The following DCUN1D5 variants were observed in gnomAD, a reference collection of about 807,000 sequenced individuals.
DCUN1D5 encodes the protein DCN1-like protein 5.
A neutral mutation model predicts 38.3 loss-of-function variants in DCUN1D5; 10 were observed. The observed-to-expected ratio is 0.26, with a 90% CI of 0.16 to 0.44. DCUN1D5 has a LOEUF of 0.44. Among genes scored for constraint, DCUN1D5 ranks in the 20% least tolerant of loss-of-function variants. The pLI is 1.00. For missense variants in DCUN1D5, 148 were observed against 275.3 expected (o/e 0.54, Z 3.27); for synonymous variants, 93 against 90.9 (o/e 1.02, Z -0.13).
chr11:103,064,492 TA>T lies in DCUN1D5; in HGVS notation c.556-116del, dbSNP rs778923968. 5 of 720,642 alleles carry T rather than the reference TA, an allele frequency of 6.9e-6. No homozygotes were observed. Among genetic ancestry groups the T allele is most frequent in the African/African-American group, 1.8e-5 (1 of 54,952 alleles). 44.6% of individuals were successfully genotyped at this position (720,642 alleles called of 1,614,324 possible). ...ATTTGGTTTTTTCTAAAACATTTAC[TA>T]TTTTTTTAATTATTTGTGTTTCTAA... On this transcript the variant is annotated intron_variant, in intron 6 of 7. Coordinates refer to ENST00000260247, the MANE Select transcript of DCUN1D5 (RefSeq NM_032299.4). This position sits in a 1 kb window ranked among gnomAD's most constrained non-coding sequence, Gnocchi z 4.5.
chr11:103,072,299 T>C (rs1004358510), intron 4 of DCUN1D5, among the ~76,000 whole-genome samples: 2 of 145,330 alleles, frequency 1.4e-5, no homozygotes, highest in East Asian at 2.0e-4. Flanking sequence ...AGTTCAACCA[T>C]TGTGGAAGAC....
At position 103,086,828 on chromosome 11, in the gene DCUN1D5, AAT is replaced by A. The variant is rs1374598120; in HGVS notation, c.178+2397_178+2398del. Among the ~76,000 whole-genome samples the A allele has an allele frequency of 8.6e-5, 13 of 151,982 alleles. No homozygotes were observed. Among genetic ancestry groups the A allele is most frequent in the Non-Finnish European group, 1.6e-4 (11 of 67,976 alleles). The stretch of plus-strand genomic sequence containing the variant: ...AAAGTGAAAATTAGCTTAAATAAAA[AAT>A]AAACATAAAATAATATCTATTATAA... On this transcript the variant is annotated intron_variant, in intron 2 of 7. Coordinates refer to ENST00000260247, the MANE Select transcript of DCUN1D5 (RefSeq NM_032299.4). The surrounding 1 kb of genome is among the most constrained non-coding windows in gnomAD (Gnocchi z 4.1).
In DCUN1D5 at chr11:103,052,291, C is replaced by T. The variant is rs1861761760; in HGVS notation, c.*10068G>A. The T allele has an allele frequency of 6.6e-6, 1 of 152,162 alleles. No homozygotes were observed. The highest frequency in any genetic ancestry group is 1.5e-5 in the Non-Finnish European group (1 of 68,022). 9.4% of individuals were successfully genotyped at this position (152,162 alleles called of 1,614,324 possible). On this transcript the variant is annotated 3_prime_UTR_variant, in exon 8 of 8. Coordinates refer to ENST00000260247, the MANE Select transcript of DCUN1D5 (RefSeq NM_032299.4). ...AGACATATGTGTACAATTGGTCATTCATTCATTAATTCAGTAAGCAAACTC... is the reference window on the plus strand; with the variant it reads ...AGACATATGTGTACAATTGGTCATTTATTCATTAATTCAGTAAGCAAACTC...
chr11:103,077,322 A>T lies in DCUN1D5; in HGVS notation c.341+5426T>A, dbSNP rs764893700. Among the ~76,000 whole-genome samples, 5 of 152,224 alleles carry T rather than the reference A, an allele frequency of 3.3e-5. No individual in the cohort carries two copies. Among genetic ancestry groups the T allele is most frequent in the Non-Finnish European group, 7.3e-5 (5 of 68,038 alleles). On this transcript the variant is annotated intron_variant, in intron 4 of 7. Coordinates refer to ENST00000260247, the MANE Select transcript of DCUN1D5 (RefSeq NM_032299.4). The surrounding 1 kb of genome is among the most constrained non-coding windows in gnomAD (Gnocchi z 4.3). ...TTACTAACAGCAATACAATTTTTAT[A>T]TCGAATCTAGCTCCAAAATACTAAC...
At chr11:103,076,378 G>A (rs1862407554) in intron 4 of DCUN1D5, among the ~76,000 whole-genome samples, 1 of 152,128 alleles carries the variant, frequency 6.6e-6, no homozygotes, top group Non-Finnish European at 1.5e-5. Context: ...TGACTGAGAA[G>A]TCACTAAGGA....
chr11:103,067,986 G>GAAA (rs1329214549), intron 4 of DCUN1D5, among the ~76,000 whole-genome samples: 1 of 152,132 alleles, frequency 6.6e-6, no homozygotes, highest in Non-Finnish European at 1.5e-5. Context: ...TTGAGGGAAG[G>GAAA]AAAACTTTTA....
At chr11:103,082,616 C>G in intron 4 of DCUN1D5, 132 bp downstream of exon 4, 3 of 652,304 alleles carry the variant, frequency 4.6e-6, no homozygotes, top group Non-Finnish European at 7.8e-6. Flanking sequence ...TTTTCAATCC[C>G]CAAACTAATT....
chr11:103,091,613 C>A lies in DCUN1D5; in HGVS notation c.86+174G>T. The A allele has an allele frequency of 8.6e-7, 1 of 1,164,892 alleles. No homozygotes were observed. Among genetic ancestry groups the A allele is most frequent in the Non-Finnish European group, 1.2e-6 (1 of 814,590 alleles). The allele number at this position is 1,164,892 out of a possible 1,614,324, so 72.2% of individuals were successfully genotyped here. A position where few individuals can be genotyped will look rare whatever the true frequency, so the allele number is the denominator to read the frequency against. On this transcript the variant is annotated intron_variant, in intron 1 of 7. Transcript: ENST00000260247. This position sits in a 1 kb window ranked among gnomAD's most constrained non-coding sequence, Gnocchi z 4.3. ...ACGCCAGCGTGCACACACTCGAACACGAGGTCGGGTCGGGCGCGGAGACTC... is the reference window on the plus strand; with the variant it reads ...ACGCCAGCGTGCACACACTCGAACAAGAGGTCGGGTCGGGCGCGGAGACTC...
intron 4 of DCUN1D5, among the ~76,000 whole-genome samples, chr11:103,074,222 A>G (rs1023863932): frequency 6.6e-6 from 1 of 152,264 alleles, no homozygotes; most frequent in Non-Finnish European, 1.5e-5. Context: ...CAAAACACAC[A>G]TTCAACAAAA....
At chr11:103,079,593 C>T (rs1014177563) in intron 4 of DCUN1D5, among the ~76,000 whole-genome samples, 2 of 151,248 alleles carry the variant, frequency 1.3e-5, no homozygotes, top group Admixed American at 6.6e-5. Context: ...AGTTTGAGAC[C>T]AGCCTGGACA....
Position 103,052,189 on chromosome 11 carries a change from A to C in DCUN1D5, c.*10170T>G, listed in dbSNP as rs1861756985. The C allele has an allele frequency of 6.6e-6, 1 of 152,234 alleles. No individual in the cohort carries two copies. Among genetic ancestry groups the C allele is most frequent in the Non-Finnish European group, 1.5e-5 (1 of 68,042 alleles). The allele number at this position is 152,234 out of a possible 1,614,324, so 9.4% of individuals were successfully genotyped here. On this transcript the variant is annotated 3_prime_UTR_variant, in exon 8 of 8. Transcript: ENST00000260247. Reference sequence around the variant, plus strand: ...GACAACCTACCATGAGTCAGGCACCATGCTGAGAGCTGAAGACATGGTTTC... The same window carrying C: ...GACAACCTACCATGAGTCAGGCACCCTGCTGAGAGCTGAAGACATGGTTTC...
rs867418106 is a variant in DCUN1D5, at chr11:103,063,553, A to G, written c.658+722T>C. ...TTTTCAGTGTCACAGAAAAAAGTGT[A>G]TAATTTCAGTTTAAGTTTATAGGAA... is the stretch of plus-strand genomic sequence containing the variant. On this transcript the variant is annotated intron_variant, in intron 7 of 7. Coordinates refer to ENST00000260247, the MANE Select transcript of DCUN1D5 (RefSeq NM_032299.4). This position sits in a 1 kb window ranked among gnomAD's most constrained non-coding sequence, Gnocchi z 4.6. Among the ~76,000 whole-genome samples, 3 of 152,158 alleles carry G rather than the reference A, an allele frequency of 2.0e-5. No homozygotes were observed. The highest frequency in any genetic ancestry group is 4.8e-5 in the African/African-American group (2 of 41,444).
In DCUN1D5 at chr11:103,087,197, G is replaced by A. The variant is rs1862734606; in HGVS notation, c.178+2030C>T. 6.8e-6 allele frequency among the ~76,000 whole-genome samples: 1 copy of A among 147,542 alleles called. No homozygotes were observed. The highest frequency in any genetic ancestry group is 1.5e-5 in the Non-Finnish European group (1 of 67,250). The stretch of plus-strand genomic sequence containing the variant: ...TCTTTTTTTTTTTTTTTGAGGCAGA[G>A]TCTCACTCTGTCACCCAGGCTGGAG... On this transcript the variant is annotated intron_variant, in intron 2 of 7. Coordinates refer to ENST00000260247, the MANE Select transcript of DCUN1D5 (RefSeq NM_032299.4). This position sits in a 1 kb window ranked among gnomAD's most constrained non-coding sequence, Gnocchi z 4.1.
chr11:103,081,217 A>C (rs542281293), intron 4 of DCUN1D5, among the ~76,000 whole-genome samples: 1 of 152,374 alleles, frequency 6.6e-6, no homozygotes, highest in South Asian at 2.1e-4. Context: ...TAGCTGAGAT[A>C]CTTCAAAAAG....
chr11:103,089,737 A>C (rs150283855), intron 1 of DCUN1D5, among the ~76,000 whole-genome samples: 5 of 152,300 alleles, frequency 3.3e-5, no homozygotes, highest in African/African-American at 1.2e-4. Flanking sequence ...ATGAATCAAT[A>C]TTTCAAAATA....
At position 103,056,997 on chromosome 11, in the gene DCUN1D5, T is replaced by C. The variant is rs559287207; in HGVS notation, c.*5362A>G. ...AATGACATAGGTTAAGTGGCTTGTT[T>C]AAAAGTGACATTAACAGGAATGTCA... is the stretch of plus-strand genomic sequence containing the variant. On this transcript the variant is annotated 3_prime_UTR_variant, in exon 8 of 8. Transcript: ENST00000260247. This position sits in a 1 kb window ranked among gnomAD's most constrained non-coding sequence, Gnocchi z 4.9. Among the ~76,000 whole-genome samples the C allele has an allele frequency of 1.4e-3, 215 of 152,270 alleles. No individual in the cohort carries two copies. Among genetic ancestry groups the C allele is most frequent in the African/African-American group, 4.9e-3 (203 of 41,554 alleles).
rs148898767 is a variant in DCUN1D5 at position 103,070,884 on chromosome 11, T to C, written c.342-4317A>G. 9.4e-3 allele frequency among the ~76,000 whole-genome samples: 1,424 copies of C among 152,064 alleles called. 13 individuals carry two copies. Among genetic ancestry groups the C allele is most frequent in the Non-Finnish European group, 0.015 (1,014 of 67,964 alleles). On this transcript the variant is annotated intron_variant, in intron 4 of 7. Transcript: ENST00000260247. Reference sequence around the variant, plus strand: ...AAAAGAATGTGTTCTCTGACAACAATGGAATCAAACTAGAAATCAATAACA... The same window carrying C: ...AAAAGAATGTGTTCTCTGACAACAACGGAATCAAACTAGAAATCAATAACA...
chr11:103,081,002 C>T (rs1384396767), intron 4 of DCUN1D5, among the ~76,000 whole-genome samples: 4 of 150,220 alleles, frequency 2.7e-5, no homozygotes, highest in Non-Finnish European at 4.4e-5. Flanking sequence ...AGCAAGACTC[C>T]GTCTAAAAAA....
chr11:103,056,656 T>C lies in DCUN1D5; in HGVS notation c.*5703A>G, dbSNP rs1281784704. Among the ~76,000 whole-genome samples, 2 of 152,208 alleles carry C rather than the reference T, an allele frequency of 1.3e-5. No individual in the cohort carries two copies. The highest frequency in any genetic ancestry group is 4.8e-5 in the African/African-American group (2 of 41,454). On this transcript the variant is annotated 3_prime_UTR_variant, in exon 8 of 8. Coordinates refer to ENST00000260247, the MANE Select transcript of DCUN1D5 (RefSeq NM_032299.4). The surrounding 1 kb of genome is among the most constrained non-coding windows in gnomAD (Gnocchi z 4.9). ...CTGTCTTGCTTCGTGCCCTGCAATATATTCAGGCCTAGAATACTTCTTGGC... is the reference window on the plus strand; with the variant it reads ...CTGTCTTGCTTCGTGCCCTGCAATACATTCAGGCCTAGAATACTTCTTGGC...
Sources: allele counts gnomAD v4.1 joint callset (sites outside exome capture counted in the v4.1 genomes callset), GRCh38; gene constraint gnomAD v4.1.1; non-coding constraint Gnocchi (gnomAD v3.1); transcripts MANE v1.5; gene names NCBI Gene and HGNC (gene_info 2026-07-23, HGNC 2026-07-21).